The following ETV4 variants were observed in gnomAD, a reference collection of about 807,000 sequenced individuals.
ETV4 encodes ETS variant transcription factor 4.
Under a neutral mutation model 65.9 loss-of-function variants are expected in ETV4, and 42 were observed. The ratio of observed to expected loss-of-function variants is 0.64; its 90% CI spans 0.50 to 0.82. The LOEUF (loss-of-function observed/expected upper bound fraction) is 0.82, where lower values mean the gene tolerates loss of function less well. Ranked by LOEUF, ETV4 falls within the 40% of genes least tolerant of loss-of-function variation. ETV4 has a pLI of 0.00. For synonymous variants in ETV4, 238 were observed against 260.0 expected (o/e 0.92, Z 0.81); for missense variants, 583 against 630.3 (o/e 0.92, Z 0.80).
intron 4 of ETV4, among the ~76,000 whole-genome samples, chr17:43,543,276 A>ACTCTCTCT (rs60214474): frequency 0.074 from 10,167 of 138,142 alleles, 513 homozygotes; most frequent in South Asian, 0.14. Context: ...ACACACACAC[A>ACTCTCTCT]CTCTCTCTCT....
In ETV4 at chr17:43,528,495, G is replaced by A. The variant is rs749134020; in HGVS notation, c.*24C>T. ...TGTACACAGGGCAGCACCCACCTGC[G>A]GCAGGGGGAACAGCCGCTGGGGGCT... is the stretch of plus-strand genomic sequence containing the variant. On this transcript the variant is annotated 3_prime_UTR_variant, in exon 13 of 13. Coordinates refer to ENST00000319349, the MANE Select transcript of ETV4 (RefSeq NM_001079675.5). 31 of 1,521,882 alleles carry A rather than the reference G, an allele frequency of 2.0e-5. No homozygotes were observed. The Admixed American group carries it at 3.6e-4, about 18-fold the overall frequency. 94.3% of individuals were successfully genotyped at this position (1,521,882 alleles called of 1,614,324 possible).
chr17:43,540,223 C>A (rs915683052), intron 4 of ETV4, among the ~76,000 whole-genome samples: 1 of 152,166 alleles, frequency 6.6e-6, no homozygotes, highest in East Asian at 1.9e-4. Flanking sequence ...GAGGCTGAGG[C>A]AGGCAGACGA....
In ETV4 at chr17:43,544,798, T is replaced by C. The variant is rs541338496; in HGVS notation, c.202+177A>G. 6.6e-6 allele frequency: 4 copies of C among 605,092 alleles called. No homozygotes were observed. The South Asian group carries it at 8.0e-5, about 12-fold the overall frequency. The allele number at this position is 605,092 out of a possible 1,614,324, so 37.5% of individuals were successfully genotyped here. ...GAGAAAATAAATATCAATATAAGTG[T>C]CCACGCTGGGTGCTGGGGTGAGTAG... is the stretch of plus-strand genomic sequence containing the variant. On this transcript the variant is annotated intron_variant, in intron 4 of 12. Coordinates refer to ENST00000319349, the MANE Select transcript of ETV4 (RefSeq NM_001079675.5).
At chr17:43,545,483 C>T in intron 2 of ETV4, 75 bp downstream of exon 2, 6 of 641,752 alleles carry the variant, frequency 9.3e-6, no homozygotes, top group Non-Finnish European at 7.7e-6. Context: ...GCTGGGACTG[C>T]GGGGAGGGGG....
chr17:43,542,428 C>A (rs114212394), intron 4 of ETV4, among the ~76,000 whole-genome samples: 3 of 152,224 alleles, frequency 2.0e-5, no homozygotes, highest in African/African-American at 7.2e-5. Flanking sequence ...GGGCTCCTGA[C>A]AAGCCTGGAA....
chr17:43,535,674 C>A (rs949350764), intron 5 of ETV4, among the ~76,000 whole-genome samples: 1 of 152,202 alleles, frequency 6.6e-6, no homozygotes, highest in African/African-American at 2.4e-5. Flanking sequence ...TCATAGGATG[C>A]TTTTAGCAGT....
In ETV4 at chr17:43,545,383, A is replaced by T. The variant is rs1159850328; in HGVS notation, c.61-16T>A. On this transcript the variant is annotated splice_polypyrimidine_tract_variant and intron_variant, in intron 2 of 12. Coordinates refer to ENST00000319349, the MANE Select transcript of ETV4 (RefSeq NM_001079675.5). ...CGGGCGATTTCTGCGAGAAGCGGGG[A>T]GAATGCCCGCGAGTCACCCTGAGGC... 2 of 1,565,842 alleles carry T rather than the reference A, an allele frequency of 1.3e-6. No homozygotes were observed. Among genetic ancestry groups the T allele is most frequent in the Non-Finnish European group, 8.7e-7 (1 of 1,153,542 alleles).
chr17:43,529,762 G>C, intron 10 of ETV4, 86 bp from the exon 11 acceptor site: 1 of 1,591,344 alleles, frequency 6.3e-7, no homozygotes, highest in Non-Finnish European at 8.6e-7. Context: ...TTTCTCGAAG[G>C]GGTCTCCCCA....
rs191245218 is a variant in ETV4, at chr17:43,535,388, A to G, written c.256+1038T>C. ...CGCCTCCCAGGTTCAAGCGATTCTC[A>G]TGCCTCAGCCTCCTGAGTAGCTGGG... is the stretch of plus-strand genomic sequence containing the variant. On this transcript the variant is annotated intron_variant, in intron 5 of 12. Transcript: ENST00000319349. Among the ~76,000 whole-genome samples, 59 of 152,132 alleles carry G rather than the reference A, an allele frequency of 3.9e-4. No individual in the cohort carries two copies. In the Middle Eastern group the frequency reaches 0.01, roughly 26 times the overall value.
intron 11 of ETV4, 44 bp from the exon 12 acceptor site, chr17:43,529,280 A>G (rs760058591): frequency 6.3e-7 from 1 of 1,590,398 alleles, no homozygotes; most frequent in East Asian, 2.2e-5. Flanking sequence ...ACCTTGGCAG[A>G]GGAAAAAATG....
At chr17:43,536,256 G>A in intron 5 of ETV4, 170 bp downstream of exon 5, 1 of 680,306 alleles carries the variant, frequency 1.5e-6, no homozygotes, top group South Asian at 1.7e-5. Flanking sequence ...AACATGTCAA[G>A]CCCCAGATTT....
At position 43,545,583 on chromosome 17, in the gene ETV4, T is replaced by A; in HGVS notation, c.35A>T (p.Gln12Leu). The A allele has an allele frequency of 6.4e-7, 1 of 1,550,670 alleles. No individual in the cohort carries two copies. Among genetic ancestry groups the A allele is most frequent in the East Asian group, 2.4e-5 (1 of 40,882 alleles). ...ERRMKAGYLD[Q>L]QVPYTFSSKS... ...GCTGCTGAAGGTGTAGGGCACTTGC[T>A]GGTCCAAGTATCCGGCTTTCATCCT... is the stretch of plus-strand genomic sequence containing the variant. The change falls in exon 2 of 13, where the codon CAG becomes CTG. Residue 12 changes from glutamine to leucine, a missense_variant. Gln to Leu is a moderately radical substitution (Grantham distance 113). Coordinates refer to ENST00000319349, the MANE Select transcript of ETV4 (RefSeq NM_001079675.5).
chr17:43,532,654 GC>G lies in ETV4; in HGVS notation c.811+19del. The G allele has an allele frequency of 6.2e-7, 1 of 1,602,252 alleles. No individual in the cohort carries two copies. The highest frequency in any genetic ancestry group is 8.5e-7 in the Non-Finnish European group (1 of 1,171,788). On this transcript the variant is annotated intron_variant, in intron 8 of 12. Transcript: ENST00000319349. ...TGAACACTTGATCACATGCCACCCTGCCCCACCCCAGTCTCTTACCTGAGTC... is the reference window on the plus strand; with the variant it reads ...TGAACACTTGATCACATGCCACCCTGCCCACCCCAGTCTCTTACCTGAGTC...
Position 43,532,920 on chromosome 17 carries a change from G to T in ETV4, c.565C>A (p.Leu189Met). The T allele has an allele frequency of 6.3e-7, 1 of 1,577,812 alleles. No homozygotes were observed. Reference sequence around the variant, plus strand: ...GATGTGAAGGAGTGGCAAATGTCCAGGGGCTGCTGGAAGACGGAGCTGGAT... The same window carrying T: ...GATGTGAAGGAGTGGCAAATGTCCATGGGCTGCTGGAAGACGGAGCTGGAT... ...GEHSSVFQQP[L>M]DICHSFTSQG... The change falls in exon 8 of 13, where the codon CTG becomes ATG. Residue 189 changes from leucine to methionine, a missense_variant. By Grantham distance (15) the Leu-to-Met change is conservative (BLOSUM62 2). Transcript: ENST00000319349.
intron 6 of ETV4, among the ~76,000 whole-genome samples, chr17:43,533,550 G>A (rs1971075155): frequency 6.6e-6 from 1 of 152,004 alleles, no homozygotes; most frequent in Admixed American, 6.6e-5. Flanking sequence ...TGTTGCCCAG[G>A]CTAGTCTTGA....
intron 7 of ETV4, 41 bp downstream of exon 7, chr17:43,533,146 A>G: frequency 6.2e-7 from 1 of 1,602,048 alleles, no homozygotes; most frequent in Non-Finnish European, 8.5e-7. Flanking sequence ...AATTGAAAAA[A>G]CACCTGGGCC....
intron 6 of ETV4, 29 bp downstream of exon 6, chr17:43,533,830 C>A (rs777657283): frequency 1.1e-5 from 18 of 1,605,900 alleles, no homozygotes; most frequent in Non-Finnish European, 1.5e-5. Context: ...CCTTCTCCTA[C>A]CCTTCACCAG....
chr17:43,532,568 T>A, intron 8 of ETV4, 106 bp downstream of exon 8: 1 of 1,007,518 alleles, frequency 9.9e-7, no homozygotes, highest in South Asian at 1.7e-5. Flanking sequence ...GGTGGGTGGG[T>A]TGGATGTATG....
intron 3 of ETV4, 52 bp from the exon 4 acceptor site, chr17:43,545,074 G>T (rs766200679): frequency 2.3e-5 from 36 of 1,576,308 alleles, no homozygotes; most frequent in Middle Eastern, 1.7e-4. Context: ...CGGTAAGAGA[G>T]AAGGGGCCCT....
Sources: allele counts gnomAD v4.1 joint callset (sites outside exome capture counted in the v4.1 genomes callset), GRCh38; gene constraint gnomAD v4.1.1; transcripts MANE v1.5; gene names NCBI Gene and HGNC (gene_info 2026-07-23, HGNC 2026-07-21).